The following GTF2A1 variants were observed in gnomAD, a reference collection of about 807,000 sequenced individuals.
GTF2A1 encodes the protein general transcription factor IIA subunit 1, also known as transcription initiation factor IIA subunit 1.
GTF2A1 carries 12 observed loss-of-function variants against 54.1 expected under a neutral mutation model. The ratio of observed to expected loss-of-function variants is 0.22; its 90% CI spans 0.14 to 0.36. The LOEUF (loss-of-function observed/expected upper bound fraction) is 0.36, where lower values mean the gene tolerates loss of function less well. GTF2A1 is among the 10% of genes least tolerant of loss of function. GTF2A1 has a pLI of 1.00. For missense variants in GTF2A1, 335 were observed against 442.2 expected (o/e 0.76, Z 2.17); for synonymous variants, 145 against 152.0 (o/e 0.95, Z 0.34).
rs185917581 is a variant in GTF2A1, at chr14:81,206,814, G to A, written c.133-2710C>T. Among the ~76,000 whole-genome samples, 10 of 148,112 alleles carry A rather than the reference G, an allele frequency of 6.8e-5. No individual in the cohort carries two copies. In the East Asian group the frequency reaches 9.9e-4, roughly 15 times the overall value. ...TCTCTCTCCTTCCCTCCCCTTCTCCGTCCCTCTCTTTCCCCTTCTCCCTCC... is the reference window on the plus strand; with the variant it reads ...TCTCTCTCCTTCCCTCCCCTTCTCCATCCCTCTCTTTCCCCTTCTCCCTCC... On this transcript the variant is annotated intron_variant, in intron 2 of 8. Coordinates refer to ENST00000553612, the MANE Select transcript of GTF2A1 (RefSeq NM_015859.4).
At chr14:81,181,608 G>C (rs974464986) in intron 8 of GTF2A1, among the ~76,000 whole-genome samples, 1 of 152,016 alleles carries the variant, frequency 6.6e-6, no homozygotes, top group Non-Finnish European at 1.5e-5. Flanking sequence ...GCAATGGCAC[G>C]ATCTTGGCTC....
chr14:81,201,554 T>A lies in GTF2A1; in HGVS notation c.402+40A>T, dbSNP rs1893111329. 4 of 1,204,322 alleles carry A rather than the reference T, an allele frequency of 3.3e-6. No homozygotes were observed. The East Asian group carries it at 9.3e-5, about 28-fold the overall frequency. 74.6% of individuals were successfully genotyped at this position (1,204,322 alleles called of 1,614,324 possible). On this transcript the variant is annotated intron_variant, in intron 4 of 8. Coordinates refer to ENST00000553612, the MANE Select transcript of GTF2A1 (RefSeq NM_015859.4). ...GGCATAATTACAATGTGGGTTAGAA[T>A]TAAGTACAGCCAATCAAACTGCTAC...
intron 2 of GTF2A1, among the ~76,000 whole-genome samples, chr14:81,211,614 G>T (rs1893365378): frequency 6.6e-6 from 1 of 151,890 alleles, no homozygotes; most frequent in Non-Finnish European, 1.5e-5. Flanking sequence ...CCACATCAGA[G>T]ACCTTCACTG....
intron 7 of GTF2A1, among the ~76,000 whole-genome samples, chr14:81,189,115 A>G (rs944438828): frequency 1.1e-4 from 16 of 152,362 alleles, no homozygotes; most frequent in Admixed American, 2.6e-4. Flanking sequence ...TGTACCAGGC[A>G]AATTCTAACC....
intron 7 of GTF2A1, among the ~76,000 whole-genome samples, chr14:81,187,296 A>G (rs1448574352): frequency 6.6e-6 from 1 of 151,636 alleles, no homozygotes; most frequent in Non-Finnish European, 1.5e-5. Context: ...CGGAGCCTGC[A>G]GTAAGCCAAG....
chr14:81,204,322 TTTG>T (rs1893182869), intron 2 of GTF2A1: 2 of 682,602 alleles, frequency 2.9e-6, no homozygotes, highest in African/African-American at 1.8e-5. Flanking sequence ...TACTGAAGAT[TTTG>T]TTTCTTTTTT....
At chr14:81,189,884 C>G (rs1384966368) in intron 7 of GTF2A1, among the ~76,000 whole-genome samples, 2 of 152,066 alleles carry the variant, frequency 1.3e-5, no homozygotes, top group Non-Finnish European at 2.9e-5. Context: ...ATATTCTCTA[C>G]AAACAAAACA....
At chr14:81,188,415 T>G (rs1381012595) in intron 7 of GTF2A1, among the ~76,000 whole-genome samples, 1 of 151,542 alleles carries the variant, frequency 6.6e-6, no homozygotes, top group Non-Finnish European at 1.5e-5. Flanking sequence ...AAAACCACCT[T>G]TTTAATCTAC....
chr14:81,189,032 T>C (rs577476964), intron 7 of GTF2A1, among the ~76,000 whole-genome samples: 15 of 152,244 alleles, frequency 9.9e-5, no homozygotes, highest in Non-Finnish European at 1.8e-4. Flanking sequence ...ATAGCATAAA[T>C]AGCAATATTC....
intron 2 of GTF2A1, among the ~76,000 whole-genome samples, chr14:81,211,703 CCTA>C: frequency 6.6e-6 from 1 of 151,988 alleles, no homozygotes; most frequent in African/African-American, 2.4e-5. Flanking sequence ...GAAGGATTCT[CCTA>C]CTTTCACAAA....
intron 1 of GTF2A1, among the ~76,000 whole-genome samples, chr14:81,219,496 A>G (rs1462061443): frequency 6.6e-6 from 1 of 152,228 alleles, no homozygotes; most frequent in Non-Finnish European, 1.5e-5. Context: ...CAAAGGGAGG[A>G]GGACCACAAG....
intron 7 of GTF2A1, among the ~76,000 whole-genome samples, chr14:81,191,552 ATACG>A (rs1460380268): frequency 6.6e-6 from 1 of 152,222 alleles, no homozygotes; most frequent in African/African-American, 2.4e-5. Flanking sequence ...TTGCAGAAGA[ATACG>A]TAATTACTTC....
At chr14:81,203,513 T>C (rs1425013323) in intron 3 of GTF2A1, among the ~76,000 whole-genome samples, 1 of 152,210 alleles carries the variant, frequency 6.6e-6, no homozygotes. Context: ...CAAATAACTA[T>C]TGTACCATAT....
intron 8 of GTF2A1, among the ~76,000 whole-genome samples, chr14:81,183,338 G>A (rs898675816): frequency 1.3e-5 from 2 of 152,124 alleles, no homozygotes; most frequent in African/African-American, 4.8e-5. Flanking sequence ...CAGAAAGACC[G>A]TGGGCTTAGC....
chr14:81,186,345 T>C (rs1347968137), intron 7 of GTF2A1, among the ~76,000 whole-genome samples: 1 of 152,172 alleles, frequency 6.6e-6, no homozygotes, highest in Non-Finnish European at 1.5e-5. Context: ...AGGCTAGCAG[T>C]CTGCCTTGCT....
intron 1 of GTF2A1, among the ~76,000 whole-genome samples, chr14:81,218,013 T>C (rs934213779): frequency 5.9e-5 from 9 of 152,104 alleles, no homozygotes; most frequent in Non-Finnish European, 1.0e-4. Flanking sequence ...TAATTCTATA[T>C]ATAAGGAAAG....
intron 3 of GTF2A1, among the ~76,000 whole-genome samples, chr14:81,203,257 C>T (rs560929601): frequency 7.9e-5 from 12 of 152,168 alleles, no homozygotes; most frequent in Non-Finnish European, 1.6e-4. Context: ...GAGTACAAGG[C>T]ACTATGGACA....
At chr14:81,208,075 T>A (rs184636879) in intron 2 of GTF2A1, among the ~76,000 whole-genome samples, 1 of 152,196 alleles carries the variant, frequency 6.6e-6, no homozygotes, top group African/African-American at 2.4e-5. Flanking sequence ...AGAAGCCTAA[T>A]GTTAATCTCC....
chr14:81,192,597 T>A lies in GTF2A1; in HGVS notation c.855A>T (p.Glu285Asp). 6.2e-7 allele frequency: 1 copy of A among 1,610,564 alleles called. No homozygotes were observed. The highest frequency in any genetic ancestry group is 1.3e-5 in the African/African-American group (1 of 74,996). ...GTGDTSSEED[E>D]DEEEDYDDDE... Reference sequence around the variant, plus strand: ...CATCATCATAGTCTTCTTCTTCATCTTCATCTTCTTCAGATGATGTATCCC... The same window carrying A: ...CATCATCATAGTCTTCTTCTTCATCATCATCTTCTTCAGATGATGTATCCC... The change falls in exon 7 of 9, where the codon GAA becomes GAT. Residue 285 changes from glutamate (E) to aspartate (D), a missense_variant. By Grantham distance (45) the Glu-to-Asp change is conservative. This residue lies in a region of GTF2A1 where 306 missense variants were observed against 360.4 expected (regional missense o/e 0.85). Coordinates refer to ENST00000553612, the MANE Select transcript of GTF2A1 (RefSeq NM_015859.4).
Sources: gnomAD v4.1 joint callset for allele counts (sites outside exome capture counted in the v4.1 genomes callset) on GRCh38, gnomAD v4.1.1 for gene constraint, gnomAD v4.1.1 regional missense constraint, MANE v1.5 for transcripts, NCBI Gene and HGNC (gene_info 2026-07-23, HGNC 2026-07-21) for gene names.